Variants in ARHGAP32 observed in about 807,000 individuals in gnomAD.
ARHGAP32 encodes the protein rho GTPase-activating protein 32.
A neutral mutation model predicts 186.5 loss-of-function variants in ARHGAP32; 51 were observed. The ratio of observed to expected loss-of-function variants is 0.27; its 90% CI spans 0.22 to 0.35. The LOEUF (loss-of-function observed/expected upper bound fraction) is 0.35. Ranked by LOEUF, ARHGAP32 falls within the 10% of genes least tolerant of loss-of-function variation. The pLI, the probability that ARHGAP32 is intolerant of heterozygous loss-of-function variation, is 1.00. For synonymous variants in ARHGAP32, 950 were observed against 964.3 expected (o/e 0.99, Z 0.27); for missense variants, 2,186 against 2,623.5 (o/e 0.83, Z 3.64).
chr11:129,248,827 T>G (rs1286423453), intron 1 of ARHGAP32, among the ~76,000 whole-genome samples: 2 of 152,184 alleles, frequency 1.3e-5, no homozygotes, highest in Admixed American at 6.5e-5. Context: ...TCTGCTGTAT[T>G]TGCATTTAGC....
intron 1 of ARHGAP32, among the ~76,000 whole-genome samples, chr11:129,184,855 T>A (rs1333956093): frequency 6.6e-6 from 1 of 152,060 alleles, no homozygotes; most frequent in Admixed American, 6.6e-5. Context: ...ATACAAGAAA[T>A]CAGAGAATAT....
chr11:129,091,535 G>A (rs1414529218), intron 6 of ARHGAP32, among the ~76,000 whole-genome samples: 4 of 151,970 alleles, frequency 2.6e-5, no homozygotes. Flanking sequence ...AGAGAAGAAA[G>A]GGTTAAGATG....
At chr11:129,248,616 T>C (rs2135683777) in intron 1 of ARHGAP32, among the ~76,000 whole-genome samples, 1 of 152,310 alleles carries the variant, frequency 6.6e-6, no homozygotes, top group South Asian at 2.1e-4. Flanking sequence ...TTCTGTGCTG[T>C]CTACAGATAA....
At chr11:129,230,396 A>G in intron 1 of ARHGAP32, among the ~76,000 whole-genome samples, 1 of 152,160 alleles carries the variant, frequency 6.6e-6, no homozygotes, top group East Asian at 1.9e-4. Flanking sequence ...GTCAGGAAGC[A>G]TTTGTCTTTC....
chr11:129,219,684 CATT>C (rs1177261351), intron 1 of ARHGAP32, among the ~76,000 whole-genome samples: 2 of 152,226 alleles, frequency 1.3e-5, no homozygotes, highest in Non-Finnish European at 2.9e-5. Flanking sequence ...ATTTCAGTAA[CATT>C]AGCATACTAT....
At chr11:129,077,120 C>T (rs1409799694) in intron 6 of ARHGAP32, among the ~76,000 whole-genome samples, 2 of 152,182 alleles carry the variant, frequency 1.3e-5, no homozygotes, top group African/African-American at 4.8e-5. Context: ...TGGGCACTTC[C>T]TGGTCCCTAG....
At chr11:129,029,655 T>C (rs932536271) in intron 11 of ARHGAP32, among the ~76,000 whole-genome samples, 2 of 151,562 alleles carry the variant, frequency 1.3e-5, no homozygotes, top group African/African-American at 4.9e-5. Context: ...TACAAAAAAT[T>C]AGCCGGGCGT....
chr11:128,966,632 A>T lies in ARHGAP32; in HGVS notation c.*2275T>A, dbSNP rs1326242395. 1 of 152,234 alleles carries T rather than the reference A, an allele frequency of 6.6e-6. No individual in the cohort carries two copies. Among genetic ancestry groups the T allele is most frequent in the Admixed American group, 6.5e-5 (1 of 15,276 alleles). 9.4% of individuals were successfully genotyped at this position (152,234 alleles called of 1,614,324 possible). A position where few individuals can be genotyped will look rare whatever the true frequency, so the allele number is the denominator to read the frequency against. On this transcript the variant is annotated 3_prime_UTR_variant, in exon 23 of 23. Coordinates refer to ENST00000682385, the MANE Select transcript of ARHGAP32 (RefSeq NM_001378024.1). ...CGAGGAATTAACCCTACTATTTATA[A>T]AATAGGTTTTAGTTTCAGGACTAAA...
At chr11:129,233,185 T>A (rs1014474502) in intron 1 of ARHGAP32, among the ~76,000 whole-genome samples, 2 of 152,110 alleles carry the variant, frequency 1.3e-5, no homozygotes, top group Non-Finnish European at 2.9e-5. Context: ...CTTTTAGAGA[T>A]GTGCACTGAA....
intron 1 of ARHGAP32, among the ~76,000 whole-genome samples, chr11:129,209,384 G>A (rs950027438): frequency 1.3e-5 from 2 of 150,532 alleles, no homozygotes; most frequent in Admixed American, 6.6e-5. Flanking sequence ...ATAACAAGAA[G>A]ACGGACAAAG....
chr11:129,267,922 T>G (rs1945424900), intron 1 of ARHGAP32, among the ~76,000 whole-genome samples: 1 of 151,922 alleles, frequency 6.6e-6, no homozygotes, highest in African/African-American at 2.4e-5. Context: ...CAGCTCTCTG[T>G]GGGGAACTAA....
Position 129,186,847 on chromosome 11 carries a change from CA to C in ARHGAP32, c.116+5235del, listed in dbSNP as rs377246954. Among the ~76,000 whole-genome samples the C allele has an allele frequency of 4.3e-4, 65 of 152,030 alleles. No homozygotes were observed. The Middle Eastern group carries it at 0.017, about 40-fold the overall frequency. On this transcript the variant is annotated intron_variant, in intron 1 of 22. Transcript: ENST00000682385. ...CACCCCAGTTAAAATGGCTTATATC[CA>C]AAAGAAAGGCAATAACAAATGCCGG...
At chr11:129,001,749 G>C (rs1274696323) in intron 11 of ARHGAP32, among the ~76,000 whole-genome samples, 1 of 152,048 alleles carries the variant, frequency 6.6e-6, no homozygotes, top group African/African-American at 2.4e-5. Flanking sequence ...TGAGGTCTTA[G>C]ATTTAAGTCT....
chr11:129,277,966 T>TAAATACTCAAAAATATTAC (rs1310380801), intron 1 of ARHGAP32, among the ~76,000 whole-genome samples: 1 of 152,238 alleles, frequency 6.6e-6, no homozygotes, highest in Non-Finnish European at 1.5e-5. Context: ...GTCACAACCA[T>TAAATACTCAAAAATATTAC]AAATACTCAA....
chr11:129,225,908 T>G (rs1944774918), intron 1 of ARHGAP32, among the ~76,000 whole-genome samples: 1 of 152,076 alleles, frequency 6.6e-6, no homozygotes, highest in Non-Finnish European at 1.5e-5. Flanking sequence ...TAGAGAATAT[T>G]TTTAAAAAGC....
At chr11:128,992,796 A>G (rs143277305) in intron 12 of ARHGAP32, among the ~76,000 whole-genome samples, 244 of 152,300 alleles carry the variant, frequency 1.6e-3, no homozygotes, top group African/African-American at 5.6e-3. Context: ...TCAAAACAAA[A>G]CAAAACAAAA....
intron 1 of ARHGAP32, among the ~76,000 whole-genome samples, chr11:129,221,402 G>A (rs1033473632): frequency 4.0e-5 from 6 of 151,736 alleles, no homozygotes; most frequent in African/African-American, 1.5e-4. Context: ...AGGAAGGGGT[G>A]GGCTGAAATA....
At chr11:129,259,569 T>TAAA (rs71057940) in intron 1 of ARHGAP32, among the ~76,000 whole-genome samples, 1 of 141,508 alleles carries the variant, frequency 7.1e-6, no homozygotes, top group Non-Finnish European at 1.5e-5. Flanking sequence ...TTAAGCAATG[T>TAAA]AAAAAAAAAA....
In ARHGAP32 at chr11:128,971,021, C is replaced by T; in HGVS notation, c.4192G>A (p.Glu1398Lys). Residue 1398 changes from glutamate to lysine, a missense_variant, in exon 23 of 23, where the codon GAG (glutamate) becomes AAG (lysine). Glu to Lys is a moderately conservative substitution (Grantham distance 56, BLOSUM62 1). Around this residue, in one of 5 missense-constraint regions of ARHGAP32, gnomAD observed 1,502 missense variants for 1,570.0 expected, o/e 0.96. Transcript: ENST00000682385. ...MATAVQPGLP[E>K]KVRDGARVPL... is the part of the protein sequence containing the mutation. ...ACCCGGGCACCGTCCCGCACTTTCT[C>T]AGGCAGGCCTGGCTGGACAGCTGTA... 6.2e-7 allele frequency: 1 copy of T among 1,613,934 alleles called. No homozygotes were observed. The highest frequency in any genetic ancestry group is 8.5e-7 in the Non-Finnish European group (1 of 1,180,030).
Sources: allele counts gnomAD v4.1 joint callset (sites outside exome capture counted in the v4.1 genomes callset), GRCh38; gene constraint gnomAD v4.1.1; regional missense constraint gnomAD v4.1.1; transcripts MANE v1.5; gene names NCBI Gene and HGNC (gene_info 2026-07-23, HGNC 2026-07-21).